ZBTB20: variants seen among roughly 807,000 people sequenced by gnomAD.
ZBTB20 encodes the protein zinc finger and BTB domain containing 20.
In ZBTB20, 9 loss-of-function variants were observed where a neutral mutation model predicts 56.9. The ratio of observed to expected loss-of-function variants is 0.16; its 90% CI spans 0.10 to 0.28. The LOEUF (loss-of-function observed/expected upper bound fraction) is 0.28, where lower values mean the gene tolerates loss of function less well. ZBTB20 is among the 10% of genes least tolerant of loss of function. The pLI, the probability that ZBTB20 is intolerant of heterozygous loss-of-function variation, is 1.00. For missense variants in ZBTB20, 655 were observed against 1,003.0 expected (o/e 0.65, Z 4.69); for synonymous variants, 417 against 420.7 (o/e 0.99, Z 0.11).
chr3:114,858,287 T>C (rs1165997511), intron 4 of ZBTB20, among the ~76,000 whole-genome samples: 2 of 152,140 alleles, frequency 1.3e-5, no homozygotes, highest in Non-Finnish European at 2.9e-5. Context: ...TTAGGCAGAA[T>C]ATGGGATTAT....
intron 2 of ZBTB20, among the ~76,000 whole-genome samples, chr3:114,983,279 G>A (rs1416124078): frequency 6.6e-6 from 1 of 151,876 alleles, no homozygotes; most frequent in East Asian, 1.9e-4. Context: ...TGTCCTTCAC[G>A]ATGTCCTTCC....
intron 4 of ZBTB20, among the ~76,000 whole-genome samples, chr3:114,891,916 G>A (rs964096248): frequency 6.6e-5 from 10 of 151,998 alleles, no homozygotes; most frequent in East Asian, 5.8e-4. Context: ...GTGTGGTGGC[G>A]GGCACCTGTA....
chr3:114,689,064 C>T (rs779739257), intron 6 of ZBTB20, among the ~76,000 whole-genome samples: 1 of 152,256 alleles, frequency 6.6e-6, no homozygotes, highest in South Asian at 2.1e-4. Context: ...TTCGTTAACA[C>T]TTCCACCATG....
intron 6 of ZBTB20, among the ~76,000 whole-genome samples, chr3:114,559,442 A>G (rs542056853): frequency 6.6e-6 from 1 of 152,286 alleles, no homozygotes; most frequent in Admixed American, 6.5e-5. Flanking sequence ...TCAGTCCTAC[A>G]GTGATTTACT....
chr3:114,631,721 A>G (rs923036245), intron 6 of ZBTB20, among the ~76,000 whole-genome samples: 1 of 152,128 alleles, frequency 6.6e-6, no homozygotes, highest in Non-Finnish European at 1.5e-5. Flanking sequence ...AGAAAAATAC[A>G]TATTTAGAAA....
At chr3:114,961,241 T>C (rs1237499846) in intron 3 of ZBTB20, among the ~76,000 whole-genome samples, 1 of 151,452 alleles carries the variant, frequency 6.6e-6, no homozygotes, top group African/African-American at 2.4e-5. Flanking sequence ...GTCAAATATG[T>C]CATAAGCCCA....
At chr3:114,934,793 T>C (rs2076475808) in intron 3 of ZBTB20, among the ~76,000 whole-genome samples, 2 of 152,206 alleles carry the variant, frequency 1.3e-5, no homozygotes, top group Non-Finnish European at 2.9e-5. Context: ...CTTGTTATAA[T>C]GTTATGACAA....
chr3:114,770,625 C>T (rs1368587746), intron 5 of ZBTB20, among the ~76,000 whole-genome samples: 1 of 152,136 alleles, frequency 6.6e-6, no homozygotes, highest in African/African-American at 2.4e-5. Flanking sequence ...AAAAAAGCGC[C>T]ATCTTTTAGA....
chr3:114,710,502 T>C (rs988485689), intron 5 of ZBTB20, among the ~76,000 whole-genome samples: 1 of 152,180 alleles, frequency 6.6e-6, no homozygotes, highest in African/African-American at 2.4e-5. Context: ...CATTTCTCCA[T>C]ATCCCCTATA....
chr3:114,945,755 A>G (rs2076864467), intron 3 of ZBTB20, among the ~76,000 whole-genome samples: 2 of 145,512 alleles, frequency 1.4e-5, no homozygotes, highest in South Asian at 4.3e-4. Flanking sequence ...CAGACTTTGA[A>G]TTAAAAATCA....
At chr3:114,481,317 G>C (rs1442876067) in intron 7 of ZBTB20, among the ~76,000 whole-genome samples, 1 of 150,818 alleles carries the variant, frequency 6.6e-6, no homozygotes. Flanking sequence ...ACTCAACAGA[G>C]TTGAAACTCA....
intron 3 of ZBTB20, among the ~76,000 whole-genome samples, chr3:114,913,673 G>T (rs1201312623): frequency 6.6e-6 from 1 of 150,978 alleles, no homozygotes; most frequent in Non-Finnish European, 1.5e-5. Context: ...GTCCTGGAAA[G>T]TTTCCTCAGT....
intron 2 of ZBTB20, among the ~76,000 whole-genome samples, chr3:115,003,070 G>A (rs186265577): frequency 1.3e-3 from 199 of 151,596 alleles, no homozygotes; most frequent in African/African-American, 4.2e-3. Context: ...GCTATATCCC[G>A]TATGATTCCA....
intron 4 of ZBTB20, among the ~76,000 whole-genome samples, chr3:114,822,612 A>G (rs2073316325): frequency 2.0e-5 from 3 of 152,108 alleles, no homozygotes; most frequent in Admixed American, 2.0e-4. Context: ...AGGAAACAAC[A>G]TCATCTGAAA....
At chr3:114,543,661 C>A (rs1325755820) in intron 6 of ZBTB20, among the ~76,000 whole-genome samples, 5 of 152,162 alleles carry the variant, frequency 3.3e-5, no homozygotes, top group Non-Finnish European at 7.3e-5. Context: ...GCTTTCCATA[C>A]TCAAAGATTT....
intron 3 of ZBTB20, among the ~76,000 whole-genome samples, chr3:114,932,496 C>A (rs1269178880): frequency 6.6e-6 from 1 of 152,206 alleles, no homozygotes; most frequent in Non-Finnish European, 1.5e-5. Flanking sequence ...TTATCAATCC[C>A]TAGGCCTCTC....
chr3:114,878,071 T>C (rs2076262061), intron 4 of ZBTB20, among the ~76,000 whole-genome samples: 1 of 152,158 alleles, frequency 6.6e-6, no homozygotes, highest in South Asian at 2.1e-4. Flanking sequence ...ACAGCCCTAC[T>C]TTGTTTAACT....
At chr3:114,863,604 G>A (rs1176318257) in intron 4 of ZBTB20, among the ~76,000 whole-genome samples, 1 of 151,994 alleles carries the variant, frequency 6.6e-6, no homozygotes, top group Non-Finnish European at 1.5e-5. Context: ...CAATAACATG[G>A]CCTACCTCTG....
At chr3:114,644,048 C>A (rs534364472) in intron 6 of ZBTB20, among the ~76,000 whole-genome samples, 1 of 151,890 alleles carries the variant, frequency 6.6e-6, no homozygotes, top group East Asian at 1.9e-4. Flanking sequence ...AATAAAAAAC[C>A]TTAATTATGC....
Sources: allele counts gnomAD v4.1 joint callset (sites outside exome capture counted in the v4.1 genomes callset), GRCh38; gene constraint gnomAD v4.1.1; transcripts MANE v1.5; gene names NCBI Gene and HGNC (gene_info 2026-07-23, HGNC 2026-07-21).